The following IPO11 variants were observed in gnomAD, a reference collection of about 807,000 sequenced individuals.
IPO11 encodes importin-11.
Under a neutral mutation model 143.2 loss-of-function variants are expected in IPO11, and 66 were observed. The observed-to-expected ratio is 0.46, with a 90% CI of 0.38 to 0.57. The LOEUF is 0.57. Ranked by LOEUF, IPO11 falls within the 20% of genes least tolerant of loss-of-function variation. The pLI is 0.00. For synonymous variants in IPO11, 385 were observed against 377.8 expected, an observed-to-expected ratio of 1.02 and a Z score of -0.22; for missense variants, 1,026 against 1,141.0, an observed-to-expected ratio of 0.90 and a Z score of 1.45.
intron 3 of IPO11, among the ~76,000 whole-genome samples, chr5:62,446,034 A>G (rs1271512333): frequency 6.6e-6 from 1 of 152,226 alleles, no homozygotes; most frequent in African/African-American, 2.4e-5. Context: ...GGGAACTATT[A>G]AAGTTGGAAA....
At chr5:62,479,643 G>A (rs1580227277) in intron 9 of IPO11, among the ~76,000 whole-genome samples, 2 of 152,192 alleles carry the variant, frequency 1.3e-5, no homozygotes, top group East Asian at 3.9e-4. Flanking sequence ...ACTGGTGTGA[G>A]ATGGTATCTC....
Position 62,433,213 on chromosome 5 carries a change from T to C in IPO11, c.-6-4061T>C, listed in dbSNP as rs114194626. ...GCATTTAGTAGACTTGCTGGGGTTA[T>C]TGTATGTGTGAAATGCCCTAAAACT... On this transcript the variant is annotated intron_variant, in intron 1 of 29. Transcript: ENST00000325324. Among the ~76,000 whole-genome samples, 682 of 152,136 alleles carry C rather than the reference T, an allele frequency of 4.5e-3. 5 individuals carry two copies. The highest frequency in any genetic ancestry group is 0.015 in the African/African-American group (640 of 41,490).
chr5:62,472,781 G>A (rs540244392), intron 7 of IPO11, among the ~76,000 whole-genome samples: 96 of 152,044 alleles, frequency 6.3e-4, no homozygotes, highest in Non-Finnish European at 9.7e-4. Context: ...CACCCGCCTC[G>A]GCCTCCCAAA....
chr5:62,579,860 A>T, intron 27 of IPO11: 1 of 1,549,454 alleles, frequency 6.5e-7, no homozygotes, highest in Non-Finnish European at 8.7e-7. Context: ...TATTTACAGT[A>T]TAATCAGGTA....
At chr5:62,487,030 A>G (rs1561331056) in intron 12 of IPO11, among the ~76,000 whole-genome samples, 1 of 152,140 alleles carries the variant, frequency 6.6e-6, no homozygotes, top group Non-Finnish European at 1.5e-5. Flanking sequence ...ATTTAAATAA[A>G]AAATTATTTT....
intron 5 of IPO11, among the ~76,000 whole-genome samples, chr5:62,457,432 T>C (rs187956512): frequency 1.3e-5 from 2 of 152,122 alleles, no homozygotes; most frequent in Non-Finnish European, 2.9e-5. Context: ...TGTAGTGATA[T>C]ATGATTGTAC....
chr5:62,596,741 C>T (rs1463439588), intron 28 of IPO11, among the ~76,000 whole-genome samples: 1 of 86,202 alleles, frequency 1.2e-5, no homozygotes, highest in African/African-American at 4.5e-5. Flanking sequence ...CTTAGGAAGT[C>T]TCTCTCTCTT....
At chr5:62,546,596 T>TAA (rs1037898831) in intron 24 of IPO11, among the ~76,000 whole-genome samples, 2 of 148,024 alleles carry the variant, frequency 1.4e-5, no homozygotes, top group Non-Finnish European at 3.0e-5. Flanking sequence ...TTGAAGTATA[T>TAA]AAAAAAAAAA....
chr5:62,502,174 T>C (rs549669965), intron 16 of IPO11, among the ~76,000 whole-genome samples: 1 of 152,330 alleles, frequency 6.6e-6, no homozygotes, highest in South Asian at 2.1e-4. Context: ...CTGTCCAATG[T>C]TTCTTATGTC....
chr5:62,588,191 T>G (rs1266637219), intron 27 of IPO11, among the ~76,000 whole-genome samples: 1 of 151,838 alleles, frequency 6.6e-6, no homozygotes, highest in Non-Finnish European at 1.5e-5. Flanking sequence ...TTATTATAAC[T>G]TCACATTTTC....
At chr5:62,482,776 A>G (rs561817733) in intron 9 of IPO11, among the ~76,000 whole-genome samples, 30 of 152,276 alleles carry the variant, frequency 2.0e-4, no homozygotes, top group Non-Finnish European at 3.1e-4. Flanking sequence ...ACCTTAGTCT[A>G]TTACTTTTAA....
rs371051220 is a variant in IPO11 at position 62,511,766 on chromosome 5, T to A, written c.1783-3622T>A. Among the ~76,000 whole-genome samples the A allele has an allele frequency of 9.3e-4, 142 of 152,160 alleles. 1 individual carries two copies. Among genetic ancestry groups the A allele is most frequent in the South Asian group, 6.6e-3 (32 of 4,832 alleles). Reference sequence around the variant, plus strand: ...AGGATATTCTTTTATTTTTATTTTTTTTTTTAGATTATAAAAACTTCCTCT... The same window carrying A: ...AGGATATTCTTTTATTTTTATTTTTATTTTTAGATTATAAAAACTTCCTCT... On this transcript the variant is annotated intron_variant, in intron 19 of 29. Transcript: ENST00000325324.
chr5:62,528,872 G>A (rs1265663442), intron 21 of IPO11, among the ~76,000 whole-genome samples: 1 of 152,104 alleles, frequency 6.6e-6, no homozygotes, highest in Admixed American at 6.6e-5. Context: ...TTGGGGTCAC[G>A]AATATGGAGT....
intron 1 of IPO11, among the ~76,000 whole-genome samples, chr5:62,414,483 G>A (rs141346824): frequency 6.6e-6 from 1 of 152,224 alleles, no homozygotes; most frequent in East Asian, 1.9e-4. Context: ...CTTCAAATAG[G>A]GACTGTTAAT....
At chr5:62,534,895 C>T (rs1426288350) in intron 22 of IPO11, among the ~76,000 whole-genome samples, 1 of 152,032 alleles carries the variant, frequency 6.6e-6, no homozygotes, top group Non-Finnish European at 1.5e-5. Flanking sequence ...AGTATAACTT[C>T]TTGGTATTAG....
At chr5:62,556,059 A>G (rs1213581476) in intron 26 of IPO11, among the ~76,000 whole-genome samples, 6 of 152,228 alleles carry the variant, frequency 3.9e-5, no homozygotes, top group Admixed American at 1.3e-4. Context: ...GTGTGATATT[A>G]AATCAGTTAA....
intron 19 of IPO11, 51 bp downstream of exon 19, chr5:62,506,408 G>A (rs374703612): frequency 5.5e-5 from 55 of 1,002,264 alleles, no homozygotes; most frequent in South Asian, 4.1e-4. Context: ...TAGAATAGAC[G>A]TAGAATTCAT....
At chr5:62,480,335 A>G (rs952823085) in intron 9 of IPO11, among the ~76,000 whole-genome samples, 1 of 152,194 alleles carries the variant, frequency 6.6e-6, no homozygotes, top group Non-Finnish European at 1.5e-5. Flanking sequence ...TGTTTTGGTT[A>G]CTGTAGCCTT....
At chr5:62,589,857 C>T (rs1488930803) in intron 27 of IPO11, among the ~76,000 whole-genome samples, 4 of 152,076 alleles carry the variant, frequency 2.6e-5, no homozygotes, top group African/African-American at 9.7e-5. Flanking sequence ...GTAGTAGGGT[C>T]AAAAGCTGCA....
Sources: gnomAD v4.1 joint callset for allele counts (sites outside exome capture counted in the v4.1 genomes callset) on GRCh38, gnomAD v4.1.1 for gene constraint, MANE v1.5 for transcripts, NCBI Gene and HGNC (gene_info 2026-07-23, HGNC 2026-07-21) for gene names.